Variants in SPRY3 observed in about 807,000 individuals in gnomAD.
The protein encoded by SPRY3 is protein sprouty homolog 3.
SPRY3 carries 15 observed loss-of-function variants against 20.2 expected under a neutral mutation model. The ratio of observed to expected loss-of-function variants is 0.74; its 90% confidence interval spans 0.50 to 1.14. The LOEUF is 1.14. SPRY3 is among the 50% of genes most tolerant of loss of function. The probability of loss-of-function intolerance (pLI) is 0.00; values close to 1 mark genes in which losing one functional copy is unlikely to be tolerated. For missense variants in SPRY3, 364 were observed against 363.9 expected (o/e 1.00, Z 0.00); for synonymous variants, 143 against 136.5 (o/e 1.05, Z -0.33).
At chrX:155,780,672 T>C (rs1484761049), downstream of SPRY3, 1 of 166,908 alleles carries the variant, frequency 6.0e-6, no homozygotes, top group Non-Finnish European at 1.5e-5. Flanking sequence ...CAGAATTAGT[T>C]TGGGGAATAC....
chrX:155,679,662 G>A (rs1320002619), intron 2 of SPRY3, among the ~76,000 whole-genome samples: 1 of 111,806 alleles, frequency 8.9e-6, no homozygotes, highest in Non-Finnish European at 1.9e-5. Context: ...AATAGATATG[G>A]TTTTTGTCCT....
chrX:155,677,670 A>G (rs2068062017), intron 2 of SPRY3, among the ~76,000 whole-genome samples: 1 of 111,471 alleles, frequency 9.0e-6, no homozygotes, highest in South Asian at 3.7e-4. Flanking sequence ...TCACTTTTCT[A>G]TCTTTCAATT....
chrX:155,726,394 T>A (rs184025388), intron 2 of SPRY3, among the ~76,000 whole-genome samples: 8,585 of 152,056 alleles, frequency 0.056, 177 homozygotes, highest in African/African-American at 0.17. Context: ...CTTTCTCGTT[T>A]ATCTGTCTAA....
chrX:155,641,744 C>CA (rs1317346334), intron 1 of SPRY3, among the ~76,000 whole-genome samples: 1 of 115,072 alleles, frequency 8.7e-6, no homozygotes, highest in Non-Finnish European at 1.9e-5. Context: ...GACAGGATCT[C>CA]ACAGGATTTT....
At chrX:155,636,947 C>T (rs1292402340) in intron 1 of SPRY3, among the ~76,000 whole-genome samples, 1 of 101,521 alleles carries the variant, frequency 9.9e-6, no homozygotes, top group Non-Finnish European at 2.0e-5. Flanking sequence ...AAAAACCAAA[C>T]ACCACATATT....
chrX:155,774,619 C>A (rs2091410316), exon 4 of SPRY3: 11 of 1,613,906 alleles, frequency 6.8e-6, no homozygotes, highest in African/African-American at 1.3e-5. Context: ...TCTGTGCCAA[C>A]AGGGCTATGA....
At position 155,682,330 on chromosome X, in the gene SPRY3, A is replaced by G. The variant is rs140368595; in HGVS notation, c.-282+25305A>G. On this transcript the variant is annotated intron_variant, in intron 2 of 3. Coordinates refer to ENST00000675360, the Ensembl canonical transcript of SPRY3. ...CTAAGAAAAAGAAGTTTCTTTCAAA[A>G]TATTACTGCCCATTGATAATGCACC... Among the ~76,000 whole-genome samples, 14 of 112,595 alleles carry G rather than the reference A, an allele frequency of 1.2e-4. 1 individual carries two copies. The East Asian group carries it at 3.9e-3, about 31-fold the overall frequency.
chrX:155,765,219 A>G (rs2091320092), intron 2 of SPRY3, among the ~76,000 whole-genome samples: 2 of 152,288 alleles, frequency 1.3e-5, no homozygotes. Flanking sequence ...AGTTAGAACA[A>G]AAATCCCTGA....
At chrX:155,669,371 A>G in intron 2 of SPRY3, among the ~76,000 whole-genome samples, 1 of 111,097 alleles carries the variant, frequency 9.0e-6, no homozygotes, top group Non-Finnish European at 1.9e-5. Context: ...TGCCAAATAA[A>G]TCATTCCTTC....
chrX:155,773,882 C>T (rs371261019), exon 4 of SPRY3: 21 of 1,613,054 alleles, frequency 1.3e-5, no homozygotes, highest in South Asian at 4.4e-5. Context: ...ATGGATGCTG[C>T]GGTGACAGAT....
chrX:155,644,679 G>A (rs1557351706), intron 1 of SPRY3, among the ~76,000 whole-genome samples: 2 of 110,613 alleles, frequency 1.8e-5, no homozygotes. Flanking sequence ...AAGGACCAAG[G>A]GCTCTTCAGT....
At chrX:155,626,168 A>G (rs1317491042) in intron 1 of SPRY3, among the ~76,000 whole-genome samples, 2 of 111,658 alleles carry the variant, frequency 1.8e-5, no homozygotes, top group Non-Finnish European at 3.8e-5. Flanking sequence ...CTGGCAACGT[A>G]TGAGGTCTCC....
intron 2 of SPRY3, among the ~76,000 whole-genome samples, chrX:155,718,450 A>G (rs2091036064): frequency 1.3e-5 from 2 of 152,194 alleles, no homozygotes; most frequent in South Asian, 2.1e-4. Context: ...TGAGCCTGAC[A>G]CAGACATAAA....
intron 2 of SPRY3, among the ~76,000 whole-genome samples, chrX:155,682,223 G>C (rs776294601): frequency 1.8e-3 from 199 of 112,397 alleles, no homozygotes; most frequent in Non-Finnish European, 1.9e-3. Context: ...CTCTGTGAAT[G>C]GAACAACAAA....
chrX:155,750,641 T>G (rs2091257679), intron 2 of SPRY3, among the ~76,000 whole-genome samples: 1 of 151,892 alleles, frequency 6.6e-6, no homozygotes, highest in South Asian at 2.1e-4. Flanking sequence ...AATATGGAGA[T>G]CATTGGTAAT....
intron 2 of SPRY3, among the ~76,000 whole-genome samples, chrX:155,720,824 A>G (rs955277624): frequency 2.6e-5 from 4 of 152,188 alleles, no homozygotes; most frequent in Admixed American, 2.6e-4. Context: ...TTGGGTATAA[A>G]GAAGCTCAGA....
rs191514112 is a variant in SPRY3, at chrX:155,767,227, G to T, written c.-281-735G>T. ...TCCGGGAAAGCCAACGACACGCGGG[G>T]GGAGGGGGGAGAGAAAGAAATTATA... On this transcript the variant is annotated intron_variant, in intron 2 of 3. Coordinates refer to ENST00000675360, the Ensembl canonical transcript of SPRY3. Among the ~76,000 whole-genome samples the T allele has an allele frequency of 2.4e-3, 363 of 152,010 alleles. 3 individuals carry two copies. Among genetic ancestry groups the T allele is most frequent in the African/African-American group, 8.2e-3 (338 of 41,400 alleles).
chrX:155,632,215 G>GTCA (rs2124529269), intron 1 of SPRY3, among the ~76,000 whole-genome samples: 1 of 43,991 alleles, frequency 2.3e-5, no homozygotes, highest in Non-Finnish European at 6.0e-5. Context: ...GATTTCCACA[G>GTCA]CCACCACACA....
At chrX:155,660,000 G>A (rs1462642158) in intron 2 of SPRY3, among the ~76,000 whole-genome samples, 1 of 111,352 alleles carries the variant, frequency 9.0e-6, no homozygotes, top group Non-Finnish European at 1.9e-5. Context: ...TAGATTCTTT[G>A]TATAATTTTT....
Sources: allele counts gnomAD v4.1 joint callset (sites outside exome capture counted in the v4.1 genomes callset), GRCh38; gene constraint gnomAD v4.1.1; transcripts MANE v1.5; gene names NCBI Gene and HGNC (gene_info 2026-07-23, HGNC 2026-07-21).